HSPA12B: variants seen among roughly 807,000 people sequenced by gnomAD.
HSPA12B encodes the protein heat shock 70 kDa protein 12B.
A neutral mutation model predicts 69.3 loss-of-function variants in HSPA12B; 54 were observed. That is an observed-to-expected ratio of 0.78 (90% confidence interval 0.63 to 0.98). HSPA12B has a LOEUF of 0.98. Ranked by LOEUF, HSPA12B falls within the 50% of genes least tolerant of loss-of-function variation. The pLI, the probability that HSPA12B is intolerant of heterozygous loss-of-function variation, is 0.00. For missense variants in HSPA12B, 929 were observed against 999.8 expected (o/e 0.93, Z 0.96); for synonymous variants, 441 against 436.5 (o/e 1.01, Z -0.13).
At chr20:3,746,056 GAACACT>G (rs776534671) in intron 7 of HSPA12B, 25 bp downstream of exon 7, 1 of 1,570,252 alleles carries the variant, frequency 6.4e-7, no homozygotes. Context: ...GCGGGCCCGA[GAACACT>G]GCTCAGGAAG....
chr20:3,741,981 G>A (rs13044945), intron 3 of HSPA12B, among the ~76,000 whole-genome samples: 23,936 of 151,556 alleles, frequency 0.16, 2,535 homozygotes, highest in Non-Finnish European at 0.24. Context: ...AAGATGGTGT[G>A]AGGTGGGGGT....
chr20:3,750,409 G>A (rs541168549), intron 11 of HSPA12B, among the ~76,000 whole-genome samples, 182 bp downstream of exon 11: 3 of 152,250 alleles, frequency 2.0e-5, no homozygotes, highest in South Asian at 4.1e-4. Flanking sequence ...AGCCCAGCAG[G>A]CTCCACCCAC....
In HSPA12B at chr20:3,748,223, C is replaced by T. The variant is rs2088342197; in HGVS notation, c.682C>T (p.Leu228=). ...GCCCACCACCCATCCCCAGGCTGGA[C>T]TAGTGTCCCGAGAGAATGCAGAGCA... The part of the protein sequence containing the change: ...FMREAAYLAG[L]VSRENAEQLL... Residue 228 remains leucine, a synonymous_variant, in exon 8 of 13, where the codon CTA becomes TTA. Coordinates refer to ENST00000254963, the MANE Select transcript of HSPA12B (RefSeq NM_052970.5). 3.2e-6 allele frequency: 5 copies of T among 1,568,460 alleles called. No individual in the cohort carries two copies. The highest frequency in any genetic ancestry group is 4.3e-6 in the Non-Finnish European group (5 of 1,154,132).
In HSPA12B at chr20:3,752,273, C is replaced by T. The variant is rs766766366; in HGVS notation, c.*107C>T. Reference sequence around the variant, plus strand: ...GGGGAAACGATAGTTCTGCAGTCTGCGCCTTTCCACGCCCTCCAGCCCCGG... The same window carrying T: ...GGGGAAACGATAGTTCTGCAGTCTGTGCCTTTCCACGCCCTCCAGCCCCGG... On this transcript the variant is annotated 3_prime_UTR_variant, in exon 13 of 13. Coordinates refer to ENST00000254963, the MANE Select transcript of HSPA12B (RefSeq NM_052970.5). 35 of 1,049,578 alleles carry T rather than the reference C, an allele frequency of 3.3e-5. No individual in the cohort carries two copies. Among genetic ancestry groups the T allele is most frequent in the Non-Finnish European group, 4.1e-5 (32 of 774,696 alleles). 65.0% of individuals were successfully genotyped at this position (1,049,578 alleles called of 1,614,324 possible).
rs41279388 is a variant in HSPA12B, at chr20:3,746,040, G to A, written c.675+9G>A. 323,427 of 1,606,672 alleles carry A rather than the reference G, an allele frequency of 0.2. 34,239 individuals are homozygous for A. Among genetic ancestry groups the A allele is most frequent in the East Asian group, 0.26 (11,734 of 44,818 alleles). On this transcript the variant is annotated intron_variant, in intron 7 of 12. Coordinates refer to ENST00000254963, the MANE Select transcript of HSPA12B (RefSeq NM_052970.5). ...GGGAGGCTGCCTACCTGGTGAGGAC[G>A]TGCAGGCGGGCCCGAGAACACTGCT...
intron 2 of HSPA12B, among the ~76,000 whole-genome samples, chr20:3,739,030 G>T (rs1422385621): frequency 6.6e-6 from 1 of 152,126 alleles, no homozygotes; most frequent in Non-Finnish European, 1.5e-5. Context: ...GTGCCAGAAG[G>T]GTCTGTGCAC....
At position 3,750,850 on chromosome 20, in the gene HSPA12B, T is replaced by C. The variant is rs769322226; in HGVS notation, c.1348T>C (p.Cys450Arg). Residue 450 changes from cysteine (C) to arginine (R), a missense_variant, in exon 12 of 13, where the codon TGT (cysteine) becomes CGT (arginine). Coordinates refer to ENST00000254963, the MANE Select transcript of HSPA12B (RefSeq NM_052970.5). ...WSSQGMLRMSCEAMNELFQPT... is the reference protein window; with the variant it reads ...WSSQGMLRMSREAMNELFQPT... ...CTCACAGGGGATGCTCCGAATGTCTTGTGAAGCCATGAACGAGCTCTTTCA... is the reference window on the plus strand; with the variant it reads ...CTCACAGGGGATGCTCCGAATGTCTCGTGAAGCCATGAACGAGCTCTTTCA... The C allele has an allele frequency of 6.2e-7, 1 of 1,613,940 alleles. No homozygotes were observed. The highest frequency in any genetic ancestry group is 8.5e-7 in the Non-Finnish European group (1 of 1,180,020).
rs2088375003 is a variant in HSPA12B, at chr20:3,749,745, CGCA to C, written c.938-3_938-1del. 1 of 1,580,220 alleles carries C rather than the reference CGCA, an allele frequency of 6.3e-7. No individual in the cohort carries two copies. The highest frequency in any genetic ancestry group is 8.6e-7 in the Non-Finnish European group (1 of 1,167,920). Reference sequence around the variant, plus strand: ...ACGAGTGTGTGCCCGCGCTCGCCGCCGCAGGAGACCGCTACGTGGTGGCCGACT... The same window carrying C: ...ACGAGTGTGTGCCCGCGCTCGCCGCCGGAGACCGCTACGTGGTGGCCGACT... On this transcript the variant is annotated splice_acceptor_variant and splice_polypyrimidine_tract_variant and intron_variant, in intron 9 of 12. Coordinates refer to ENST00000254963, the MANE Select transcript of HSPA12B (RefSeq NM_052970.5). LOFTEE classifies it high-confidence loss of function. This position sits in a 1 kb window ranked among gnomAD's most constrained non-coding sequence, Gnocchi z 5.5.
intron 2 of HSPA12B, 128 bp downstream of exon 2, chr20:3,738,845 T>A (rs2088148718): frequency 1.6e-5 from 11 of 709,306 alleles, no homozygotes; most frequent in Non-Finnish European, 2.1e-5. Flanking sequence ...TGAGTGAGTG[T>A]GTGTGTGTGT....
chr20:3,734,115 C>A (rs924824128), intron 1 of HSPA12B, among the ~76,000 whole-genome samples: 1 of 152,182 alleles, frequency 6.6e-6, no homozygotes, highest in Non-Finnish European at 1.5e-5. Context: ...CTGCAGTGAG[C>A]CGTGATCGTG....
intron 7 of HSPA12B, among the ~76,000 whole-genome samples, chr20:3,747,782 A>T: frequency 6.6e-6 from 1 of 152,172 alleles, no homozygotes. Flanking sequence ...ATGAGCTAAA[A>T]GGGCTCCCCA....
Position 3,752,851 on chromosome 20 carries a change from A to T in HSPA12B, c.*685A>T, listed in dbSNP as rs1229534375. ...ACCCGTCTGGGAAGGCCCCAAGGTC[A>T]GCTTATGAAGGACCCCACTTGCACC... On this transcript the variant is annotated 3_prime_UTR_variant, in exon 13 of 13. Transcript: ENST00000254963. 1 of 153,788 alleles carries T rather than the reference A, an allele frequency of 6.5e-6. No homozygotes were observed. The highest frequency in any genetic ancestry group is 1.5e-5 in the Non-Finnish European group (1 of 68,074). The allele number at this position is 153,788 out of a possible 1,614,324, so 9.5% of individuals were successfully genotyped here.
At position 3,751,694 on chromosome 20, in the gene HSPA12B, C is replaced by A; in HGVS notation, c.1589C>A (p.Ala530Glu). 12 of 1,486,058 alleles carry A rather than the reference C, an allele frequency of 8.1e-6. No individual in the cohort carries two copies. Among genetic ancestry groups the A allele is most frequent in the Non-Finnish European group, 1.1e-5 (12 of 1,121,976 alleles). 92.1% of individuals were successfully genotyped at this position (1,486,058 alleles called of 1,614,324 possible). ...ILKGAVLFGQ[A>E]PGVVRVRRSP... Reference sequence around the variant, plus strand: ...AAAGGCGCGGTGCTGTTCGGCCAGGCGCCGGGCGTGGTGCGGGTCCGCCGC... The same window carrying A: ...AAAGGCGCGGTGCTGTTCGGCCAGGAGCCGGGCGTGGTGCGGGTCCGCCGC... Residue 530 changes from alanine (A) to glutamate (E), a missense_variant, in exon 13 of 13, where the codon GCG (alanine) becomes GAG (glutamate). Transcript: ENST00000254963.
chr20:3,746,184 C>A (rs1293624186), intron 7 of HSPA12B, among the ~76,000 whole-genome samples, 153 bp downstream of exon 7: 1 of 151,870 alleles, frequency 6.6e-6, no homozygotes, highest in East Asian at 1.9e-4. Flanking sequence ...TTGCTCCCAC[C>A]AGAAGAGGGA....
chr20:3,741,421 T>C (rs1468794090), intron 3 of HSPA12B, among the ~76,000 whole-genome samples: 1 of 151,780 alleles, frequency 6.6e-6, no homozygotes, highest in African/African-American at 2.4e-5. Flanking sequence ...TGCTTTGAGC[T>C]CAGGAGTTCA....
Position 3,752,924 on chromosome 20 carries a change from A to AGGG in HSPA12B, c.*759_*761dup. ...GCTGGAGGGTGGATGGGGAGGCCAG[A>AGGG]GGGAGCAATGAGGGGTGGTCCCAGC... On this transcript the variant is annotated 3_prime_UTR_variant, in exon 13 of 13. Coordinates refer to ENST00000254963, the MANE Select transcript of HSPA12B (RefSeq NM_052970.5). 1 of 153,776 alleles carries AGGG rather than the reference A, an allele frequency of 6.5e-6. No individual in the cohort carries two copies. The highest frequency in any genetic ancestry group is 1.9e-4 in the East Asian group (1 of 5,186). The allele number at this position is 153,776 out of a possible 1,614,324, so 9.5% of individuals were successfully genotyped here. A position where few individuals can be genotyped will look rare whatever the true frequency, so the allele number is the denominator to read the frequency against.
chr20:3,740,860 C>T lies in HSPA12B; in HGVS notation c.89C>T (p.Pro30Leu), dbSNP rs556212057. The change falls in exon 3 of 13, where the codon CCG (proline) becomes CTG (leucine). Residue 30 changes from proline (P) to leucine (L), a missense_variant. Coordinates refer to ENST00000254963, the MANE Select transcript of HSPA12B (RefSeq NM_052970.5). This position sits in a 1 kb window ranked among gnomAD's most constrained non-coding sequence, Gnocchi z 4.9. ...CCAGTGCCTAGCCCACCCGGCTCCC[C>T]GAGGACCCAGGAAAGCTGCGGCATT... ...RSPVPSPPGSPRTQESCGIAP... is the reference protein window; with the variant it reads ...RSPVPSPPGSLRTQESCGIAP... 41 of 1,613,926 alleles carry T rather than the reference C, an allele frequency of 2.5e-5. 1 individual carries two copies. Among genetic ancestry groups the T allele is most frequent in the South Asian group, 4.4e-5 (4 of 91,068 alleles).
chr20:3,742,155 G>C (rs2088213314), intron 3 of HSPA12B, 129 bp from the exon 4 acceptor site: 1 of 1,379,664 alleles, frequency 7.2e-7, no homozygotes, highest in Non-Finnish European at 9.7e-7. Flanking sequence ...GGGTGGGCCA[G>C]GTCCAGGGCT....
Position 3,752,435 on chromosome 20 carries a change from A to C in HSPA12B, c.*269A>C. 2.9e-6 allele frequency: 1 copy of C among 349,960 alleles called. No homozygotes were observed. Among genetic ancestry groups the C allele is most frequent in the East Asian group, 4.5e-5 (1 of 22,256 alleles). 21.7% of individuals were successfully genotyped at this position (349,960 alleles called of 1,614,324 possible). A position where few individuals can be genotyped will look rare whatever the true frequency, so the allele number is the denominator to read the frequency against. ...GTAAGAGAAGAGGTTTGCAAGACAG[A>C]GCGCGCAGCCCGGCAAGGGGCATGT... On this transcript the variant is annotated 3_prime_UTR_variant, in exon 13 of 13. Coordinates refer to ENST00000254963, the MANE Select transcript of HSPA12B (RefSeq NM_052970.5).
Sources: allele counts gnomAD v4.1 joint callset (sites outside exome capture counted in the v4.1 genomes callset), GRCh38; gene constraint gnomAD v4.1.1; non-coding constraint Gnocchi (gnomAD v3.1); transcripts MANE v1.5; gene names NCBI Gene and HGNC (gene_info 2026-07-23, HGNC 2026-07-21).